FBXO34: variants seen among roughly 807,000 people sequenced by gnomAD.
The protein encoded by FBXO34 is F-box only protein 34.
A neutral mutation model predicts 24.5 loss-of-function variants in FBXO34; 12 were observed. The ratio of observed to expected loss-of-function variants is 0.49; its 90% CI spans 0.31 to 0.79. The LOEUF (loss-of-function observed/expected upper bound fraction) is 0.79, where lower values mean the gene tolerates loss of function less well. FBXO34 is among the 30% of genes least tolerant of loss of function. FBXO34 has a pLI of 0.04. For missense variants in FBXO34, 823 were observed against 857.7 expected (o/e 0.96, Z 0.51); for synonymous variants, 320 against 311.9 (o/e 1.03, Z -0.27).
chr14:55,348,347 A>G (rs962967753), intron 1 of FBXO34, among the ~76,000 whole-genome samples: 4 of 151,946 alleles, frequency 2.6e-5, no homozygotes, highest in African/African-American at 9.7e-5. Flanking sequence ...TTCTGCCTCA[A>G]CCACCCCATT....
chr14:55,357,853 TAAATA>T (rs1222331379), downstream of FBXO34, among the ~76,000 whole-genome samples: 1 of 152,162 alleles, frequency 6.6e-6, no homozygotes, highest in Non-Finnish European at 1.5e-5. Flanking sequence ...ATCAATTAGT[TAAATA>T]AAAAATAAAA....
At chr14:55,358,653 G>T (rs1251640124) in intron 3 of FBXO34, among the ~76,000 whole-genome samples, 1 of 152,232 alleles carries the variant, frequency 6.6e-6, no homozygotes, top group Non-Finnish European at 1.5e-5. Context: ...AGGGCAGGAA[G>T]GCCAAAGGAT....
chr14:55,271,757 C>T (rs887257167), intron 1 of FBXO34: 1 of 151,724 alleles, frequency 6.6e-6, no homozygotes, highest in Non-Finnish European at 1.5e-5. Flanking sequence ...ACGGCCCGGG[C>T]GCTGAGCGTC....
intron 1 of FBXO34, among the ~76,000 whole-genome samples, chr14:55,273,849 AG>A (rs1279849839): frequency 6.6e-6 from 1 of 152,174 alleles, no homozygotes; most frequent in Non-Finnish European, 1.5e-5. Context: ...TCTGTCACCC[AG>A]GCTGGAGTGC....
intron 1 of FBXO34, among the ~76,000 whole-genome samples, chr14:55,283,342 T>C (rs1270368468): frequency 1.3e-5 from 2 of 152,206 alleles, no homozygotes; most frequent in Admixed American, 6.5e-5. Context: ...ACAACCTATT[T>C]TATATGCGAG....
chr14:55,433,816 T>C, the FBXO34 span: 29 of 1,083,610 alleles, frequency 2.7e-5, no homozygotes, highest in Middle Eastern at 2.1e-4. Context: ...CTCAAACAGA[T>C]TGGATGGGAA....
intron 1 of FBXO34, chr14:55,298,921 TGCTCAAGAACATGG>T: frequency 3.8e-6 from 6 of 1,574,160 alleles, no homozygotes; most frequent in Non-Finnish European, 5.2e-6. Context: ...AATACCGAGG[TGCTCAAGAACATGG>T]GCTCTGCAGC....
chr14:55,370,532 C>T (rs1444609288), downstream of FBXO34, among the ~76,000 whole-genome samples: 1 of 152,106 alleles, frequency 6.6e-6, no homozygotes, highest in Non-Finnish European at 1.5e-5. Flanking sequence ...TCAAAGGTCC[C>T]TAATAACACC....
chr14:55,309,336 C>G (rs1882657615), intron 1 of FBXO34, among the ~76,000 whole-genome samples: 1 of 152,138 alleles, frequency 6.6e-6, no homozygotes, highest in East Asian at 1.9e-4. Context: ...GATGTCTCTA[C>G]AGCAATGTCT....
chr14:55,377,973 A>AT, the FBXO34 span: 101 of 1,602,434 alleles, frequency 6.3e-5, no homozygotes, highest in Non-Finnish European at 8.6e-5. Context: ...TTCACAACCT[A>AT]TTTTTCATAC....
At chr14:55,341,647 A>G (rs917623117) in intron 1 of FBXO34, among the ~76,000 whole-genome samples, 1 of 152,176 alleles carries the variant, frequency 6.6e-6, no homozygotes, top group Non-Finnish European at 1.5e-5. Context: ...TTCAAAATGT[A>G]TTAATTTTTT....
chr14:55,424,935 A>G, the FBXO34 span, among the ~76,000 whole-genome samples: 2 of 152,212 alleles, frequency 1.3e-5, no homozygotes, highest in Admixed American at 6.5e-5. Flanking sequence ...CCTACCAAAA[A>G]GAAGTCAGGA....
At chr14:55,367,754 A>AAG (rs1195911176) in exon 3 of FBXO34, 1 of 152,114 alleles carries the variant, frequency 6.6e-6, no homozygotes, top group East Asian at 1.9e-4. Context: ...CAAAAAAAAA[A>AAG]AAGACCACCC....
At chr14:55,392,648 C>CA in the FBXO34 span, among the ~76,000 whole-genome samples, 1,607 of 51,390 alleles carry the variant, frequency 0.031, 28 homozygotes, top group Middle Eastern at 0.056. Flanking sequence ...GACTCCACCT[C>CA]AAAAAAAAAA....
At chr14:55,342,344 T>G (rs1374858161) in intron 1 of FBXO34, among the ~76,000 whole-genome samples, 1 of 152,150 alleles carries the variant, frequency 6.6e-6, no homozygotes, top group Non-Finnish European at 1.5e-5. Flanking sequence ...AATAAAGGAC[T>G]TTTCTGTCGT....
At chr14:55,341,771 T>G (rs553320592) in intron 1 of FBXO34, among the ~76,000 whole-genome samples, 6 of 152,142 alleles carry the variant, frequency 3.9e-5, no homozygotes, top group Middle Eastern at 6.8e-3. Flanking sequence ...TATGCTGGAG[T>G]TTTGTGGGTG....
At chr14:55,436,533 C>T in the FBXO34 span, 1 of 1,589,504 alleles carries the variant, frequency 6.3e-7, no homozygotes, top group South Asian at 1.1e-5. Context: ...ACCCAATGTG[C>T]TCAATTAAAA....
chr14:55,303,672 A>C (rs1882441733), intron 1 of FBXO34, among the ~76,000 whole-genome samples: 2 of 150,970 alleles, frequency 1.3e-5, no homozygotes, highest in Non-Finnish European at 2.9e-5. Context: ...TAAAAAAAAA[A>C]CCCTTTATTT....
intron 1 of FBXO34, among the ~76,000 whole-genome samples, chr14:55,337,377 A>AACAGTAT (rs1883820571): frequency 6.6e-6 from 1 of 152,216 alleles, no homozygotes; most frequent in South Asian, 2.1e-4. Flanking sequence ...TTGACACCAC[A>AACAGTAT]ACAGTATATC....
Sources: allele counts gnomAD v4.1 joint callset (sites outside exome capture counted in the v4.1 genomes callset), GRCh38; gene constraint gnomAD v4.1.1; transcripts MANE v1.5; gene names NCBI Gene and HGNC (gene_info 2026-07-23, HGNC 2026-07-21).